Variants in ZNF609 observed in about 807,000 individuals in gnomAD.
The protein encoded by ZNF609 is zinc finger protein 609.
A neutral mutation model predicts 109.5 loss-of-function variants in ZNF609; 11 were observed. That is an observed-to-expected ratio of 0.10 (90% CI 0.06 to 0.17). The LOEUF (loss-of-function observed/expected upper bound fraction) is 0.17, where lower values mean the gene tolerates loss of function less well. ZNF609 is among the 10% of genes least tolerant of loss of function. The probability of loss-of-function intolerance (pLI) is 1.00; values close to 1 mark genes in which losing one functional copy is unlikely to be tolerated. For synonymous variants in ZNF609, 646 were observed against 662.0 expected, an observed-to-expected ratio of 0.98 and a Z score of 0.37; for missense variants, 1,559 against 1,772.4, an observed-to-expected ratio of 0.88 and a Z score of 2.16.
intron 2 of ZNF609, among the ~76,000 whole-genome samples, chr15:64,583,768 A>C (rs1029939697): frequency 6.6e-6 from 1 of 152,074 alleles, no homozygotes; most frequent in African/African-American, 2.4e-5. Flanking sequence ...TGCCTTGGGT[A>C]GTGGAGATGA....
rs757998726 is a variant in ZNF609 at position 64,675,222 on chromosome 15, G to A, written c.2368G>A (p.Ala790Thr). The A allele has an allele frequency of 4.1e-5, 66 of 1,613,858 alleles. No individual in the cohort carries two copies. Among genetic ancestry groups the A allele is most frequent in the Non-Finnish European group, 5.5e-5 (65 of 1,180,052 alleles). The change falls in exon 5 of 10, where the codon GCT becomes ACT. Residue 790 changes from alanine to threonine, a missense_variant. Physicochemically the swap from Ala to Thr is moderately conservative, Grantham distance 58. This residue lies in a region of ZNF609 where 1,204 missense variants were observed against 1,314.1 expected (regional missense o/e 0.92). Coordinates refer to ENST00000326648, the MANE Select transcript of ZNF609 (RefSeq NM_015042.2). ...PHQSRLASIK[A>T]EADKIYSFTD... ...CCAAAGCCGACTGGCTAGCATCAAGGCTGAAGCCGACAAGATCTACAGTTT... is the reference window on the plus strand; with the variant it reads ...CCAAAGCCGACTGGCTAGCATCAAGACTGAAGCCGACAAGATCTACAGTTT...
At chr15:64,472,488 A>G (rs1182110663) in intron 1 of ZNF609, among the ~76,000 whole-genome samples, 2 of 152,330 alleles carry the variant, frequency 1.3e-5, no homozygotes, top group African/African-American at 4.8e-5. Context: ...GGATATTATC[A>G]GCAGCATACC....
chr15:64,647,174 A>G (rs1241956000), intron 3 of ZNF609, among the ~76,000 whole-genome samples: 1 of 151,804 alleles, frequency 6.6e-6, no homozygotes, highest in Non-Finnish European at 1.5e-5. Context: ...TACAATGTGG[A>G]TGAACCTTGA....
chr15:64,660,717 A>G (rs1489534910), intron 3 of ZNF609, among the ~76,000 whole-genome samples: 1 of 152,066 alleles, frequency 6.6e-6, no homozygotes, highest in Non-Finnish European at 1.5e-5. Flanking sequence ...GCTCTTCCGA[A>G]CGTGCCATGT....
chr15:64,685,010 T>C lies in ZNF609; in HGVS notation c.*3324T>C, dbSNP rs1028241284. ...CTTGCCTTGGTGCTCAGCCCTCCCA[T>C]TGGGAGCAGGTTGGGGCGAGCTGGA... is the stretch of plus-strand genomic sequence containing the variant. On this transcript the variant is annotated 3_prime_UTR_variant, in exon 10 of 10. Transcript: ENST00000326648. 2.5e-4 allele frequency: 38 copies of C among 152,538 alleles called. No individual in the cohort carries two copies. The highest frequency in any genetic ancestry group is 1.3e-4 in the Non-Finnish European group (9 of 68,008). 9.4% of individuals were successfully genotyped at this position (152,538 alleles called of 1,614,324 possible).
chr15:64,510,699 TAAA>T (rs1315692461), intron 2 of ZNF609, among the ~76,000 whole-genome samples: 1 of 152,120 alleles, frequency 6.6e-6, no homozygotes, highest in Non-Finnish European at 1.5e-5. Flanking sequence ...TGTGAGGAAA[TAAA>T]AAAGACAGTT....
At chr15:64,488,666 T>C (rs2140342412) in intron 1 of ZNF609, among the ~76,000 whole-genome samples, 1 of 152,300 alleles carries the variant, frequency 6.6e-6, no homozygotes, top group Middle Eastern at 3.4e-3. Context: ...TAGGGCTTCT[T>C]GTAGAATAGA....
intron 3 of ZNF609, among the ~76,000 whole-genome samples, chr15:64,662,553 A>G (rs1036806885): frequency 1.3e-5 from 2 of 152,138 alleles, no homozygotes; most frequent in African/African-American, 4.8e-5. Flanking sequence ...TCGAATTCCT[A>G]TGCTCAAGCA....
chr15:64,665,832 G>A lies in ZNF609; in HGVS notation c.974-4514G>A, dbSNP rs141232413. Reference sequence around the variant, plus strand: ...GAGGCAGGAGAATTGCTTGAACCTGGGAGGCGGAGGTTGCGATGACCCAAG... The same window carrying A: ...GAGGCAGGAGAATTGCTTGAACCTGAGAGGCGGAGGTTGCGATGACCCAAG... On this transcript the variant is annotated intron_variant, in intron 3 of 9. Coordinates refer to ENST00000326648, the MANE Select transcript of ZNF609 (RefSeq NM_015042.2). 5.7e-3 allele frequency among the ~76,000 whole-genome samples: 859 copies of A among 151,932 alleles called. 11 individuals carry two copies. The highest frequency in any genetic ancestry group is 0.02 in the African/African-American group (824 of 41,422).
intron 2 of ZNF609, among the ~76,000 whole-genome samples, chr15:64,600,457 A>AGG (rs1399911763): frequency 7.5e-5 from 11 of 146,876 alleles, no homozygotes; most frequent in African/African-American, 2.7e-4. Context: ...CTCAAAAAAA[A>AGG]AAAAAAAAAG....
At chr15:64,514,829 G>T (rs1893783513) in intron 2 of ZNF609, among the ~76,000 whole-genome samples, 1 of 152,012 alleles carries the variant, frequency 6.6e-6, no homozygotes, top group Non-Finnish European at 1.5e-5. Flanking sequence ...TGTAGAGATG[G>T]GTTTCACCCA....
chr15:64,573,823 A>T (rs1274855669), intron 2 of ZNF609, among the ~76,000 whole-genome samples: 1 of 151,926 alleles, frequency 6.6e-6, no homozygotes, highest in Non-Finnish European at 1.5e-5. Flanking sequence ...TAAAATATTC[A>T]TTTTTTTCCT....
intron 2 of ZNF609, among the ~76,000 whole-genome samples, chr15:64,524,253 T>G (rs1893936963): frequency 6.6e-6 from 1 of 152,186 alleles, no homozygotes; most frequent in Non-Finnish European, 1.5e-5. Flanking sequence ...AGAAATTTCA[T>G]GTAAATGGAA....
chr15:64,468,691 C>T (rs1893048051), intron 1 of ZNF609, among the ~76,000 whole-genome samples: 1 of 152,064 alleles, frequency 6.6e-6, no homozygotes, highest in Non-Finnish European at 1.5e-5. Flanking sequence ...GCTGGGACTA[C>T]AGACATGAGC....
At chr15:64,469,488 A>G (rs1018607773) in intron 1 of ZNF609, among the ~76,000 whole-genome samples, 4 of 151,236 alleles carry the variant, frequency 2.6e-5, no homozygotes, top group Non-Finnish European at 4.4e-5. Context: ...AATATTTAAC[A>G]TAAGTGAGCA....
intron 2 of ZNF609, among the ~76,000 whole-genome samples, chr15:64,606,996 T>A (rs1466303283): frequency 6.6e-6 from 1 of 151,440 alleles, no homozygotes; most frequent in African/African-American, 2.4e-5. Flanking sequence ...AATACAAAAT[T>A]AGCCAGGCGT....
intron 2 of ZNF609, among the ~76,000 whole-genome samples, chr15:64,595,286 G>A (rs1258896524): frequency 2.0e-5 from 3 of 151,394 alleles, no homozygotes; most frequent in Admixed American, 6.6e-5. Flanking sequence ...ACTTGAACCC[G>A]GGAGGCAGAG....
In ZNF609 at chr15:64,675,999, A is replaced by G. The variant is rs759854597; in HGVS notation, c.3145A>G (p.Thr1049Ala). The change falls in exon 5 of 10, where the codon ACT (threonine) becomes GCT (alanine). Residue 1049 changes from threonine (T) to alanine (A), a missense_variant. Physicochemically the swap from Thr to Ala is moderately conservative, Grantham distance 58. Around this residue, in one of 4 missense-constraint regions of ZNF609, gnomAD observed 1,204 missense variants for 1,314.1 expected, o/e 0.92. Transcript: ENST00000326648. ...EWKQKPSIPP[T>A]LTKAPSLTDL... is the part of the protein sequence containing the mutation. ...GAAGCAAAAGCCGTCAATTCCACCAACTCTCACCAAGGCCCCCAGCCTGAC... is the reference window on the plus strand; with the variant it reads ...GAAGCAAAAGCCGTCAATTCCACCAGCTCTCACCAAGGCCCCCAGCCTGAC... 1.9e-6 allele frequency: 3 copies of G among 1,614,054 alleles called. No individual in the cohort carries two copies. Among genetic ancestry groups the G allele is most frequent in the African/African-American group, 1.3e-5 (1 of 75,002 alleles).
At chr15:64,486,524 CA>C (rs35701301) in intron 1 of ZNF609, among the ~76,000 whole-genome samples, 87,950 of 113,248 alleles carry the variant, frequency 0.78, 33,373 homozygotes, top group East Asian at 0.89. Flanking sequence ...ACTCTGTCTC[CA>C]AAAAAAAAAA....
Sources: allele counts gnomAD v4.1 joint callset (sites outside exome capture counted in the v4.1 genomes callset), GRCh38; gene constraint gnomAD v4.1.1; regional missense constraint gnomAD v4.1.1; transcripts MANE v1.5; gene names NCBI Gene and HGNC (gene_info 2026-07-23, HGNC 2026-07-21).